FGF12: variants seen among roughly 807,000 people sequenced by gnomAD.
FGF12 encodes the protein fibroblast growth factor 12B.
FGF12 carries 14 observed loss-of-function variants against 23.6 expected under a neutral mutation model. The observed-to-expected ratio is 0.59, with a 90% CI of 0.39 to 0.93. The LOEUF is 0.93. FGF12 is among the 40% of genes least tolerant of loss of function. FGF12 has a pLI of 0.00. For missense variants in FGF12, 175 were observed against 217.8 expected, an observed-to-expected ratio of 0.80 and a Z score of 1.24; for synonymous variants, 62 against 77.3, an observed-to-expected ratio of 0.80 and a Z score of 1.04.
At chr3:192,608,896 T>C (rs937566759) in intron 2 of FGF12, among the ~76,000 whole-genome samples, 1 of 152,110 alleles carries the variant, frequency 6.6e-6, no homozygotes, top group Non-Finnish European at 1.5e-5. Flanking sequence ...AAGAAGTGCA[T>C]GGTCAGTTCC....
chr3:192,147,665 T>TA (rs1560166716), intron 5 of FGF12, among the ~76,000 whole-genome samples: 1 of 152,140 alleles, frequency 6.6e-6, no homozygotes, highest in African/African-American at 2.4e-5. Context: ...CCATTTTTTT[T>TA]AAATATAAAA....
chr3:192,454,931 T>A (rs1232931908), intron 2 of FGF12, among the ~76,000 whole-genome samples: 3 of 148,888 alleles, frequency 2.0e-5, no homozygotes, highest in Admixed American at 1.3e-4. Flanking sequence ...CTTGGACATC[T>A]CAGTTTTTAC....
At chr3:192,555,516 C>T (rs1162812246) in intron 2 of FGF12, among the ~76,000 whole-genome samples, 1 of 151,742 alleles carries the variant, frequency 6.6e-6, no homozygotes, top group Non-Finnish European at 1.5e-5. Flanking sequence ...GGCACAGTGG[C>T]TCACACCTGT....
chr3:192,651,421 A>G (rs944347933), intron 2 of FGF12, among the ~76,000 whole-genome samples: 2 of 152,176 alleles, frequency 1.3e-5, no homozygotes, highest in Non-Finnish European at 2.9e-5. Flanking sequence ...AATTATAATA[A>G]ATGACGAGGG....
At chr3:192,223,018 C>T (rs916752126) in intron 4 of FGF12, among the ~76,000 whole-genome samples, 1 of 152,094 alleles carries the variant, frequency 6.6e-6, no homozygotes, top group Non-Finnish European at 1.5e-5. Flanking sequence ...CCATACTTTA[C>T]CCAAGGTTAG....
intron 4 of FGF12, among the ~76,000 whole-genome samples, chr3:192,174,742 TAA>T (rs796236664): frequency 0.049 from 6,442 of 132,584 alleles, 183 homozygotes; most frequent in Admixed American, 0.066. Flanking sequence ...ACACGTGGAG[TAA>T]AAAAAAAAAA....
chr3:192,602,903 T>C (rs925880253), intron 2 of FGF12, among the ~76,000 whole-genome samples: 1 of 152,146 alleles, frequency 6.6e-6, no homozygotes, highest in Non-Finnish European at 1.5e-5. Flanking sequence ...TCAATAAATG[T>C]GATTCTCTCT....
chr3:192,464,328 A>T (rs1252137220), intron 2 of FGF12, among the ~76,000 whole-genome samples: 1 of 147,810 alleles, frequency 6.8e-6, no homozygotes, highest in Non-Finnish European at 1.5e-5. Flanking sequence ...CCGCTGTCTC[A>T]TTCTTATGCC....
intron 2 of FGF12, among the ~76,000 whole-genome samples, chr3:192,613,358 G>C (rs962383231): frequency 1.3e-5 from 2 of 151,740 alleles, no homozygotes; most frequent in Non-Finnish European, 2.9e-5. Flanking sequence ...CCCCTCACAG[G>C]TATACCACAG....
intron 4 of FGF12, among the ~76,000 whole-genome samples, chr3:192,256,551 T>C (rs1301601020): frequency 6.6e-6 from 1 of 152,056 alleles, no homozygotes; most frequent in Non-Finnish European, 1.5e-5. Flanking sequence ...AATTTGCATG[T>C]TATTTGGTAT....
At chr3:192,179,756 G>A (rs1366596540) in intron 4 of FGF12, among the ~76,000 whole-genome samples, 1 of 151,966 alleles carries the variant, frequency 6.6e-6, no homozygotes, top group East Asian at 1.9e-4. Flanking sequence ...ATATTGTCCA[G>A]GTTGGTCTCG....
intron 2 of FGF12, among the ~76,000 whole-genome samples, chr3:192,412,925 C>T (rs181459343): frequency 2.9e-4 from 44 of 152,234 alleles, no homozygotes; most frequent in South Asian, 4.1e-4. Flanking sequence ...GATTTTTATG[C>T]TTTCTTTGAA....
At chr3:192,195,298 C>T (rs541064768) in intron 4 of FGF12, among the ~76,000 whole-genome samples, 9 of 152,256 alleles carry the variant, frequency 5.9e-5, no homozygotes, top group South Asian at 4.1e-4. Flanking sequence ...TTTTGTTACA[C>T]GTTTATAATG....
At chr3:192,440,360 G>A (rs77021981) in intron 2 of FGF12, among the ~76,000 whole-genome samples, 3 of 152,072 alleles carry the variant, frequency 2.0e-5, no homozygotes, top group Non-Finnish European at 4.4e-5. Flanking sequence ...AAGGGTGGAC[G>A]GGAGTATTTT....
intron 4 of FGF12, among the ~76,000 whole-genome samples, chr3:192,259,740 T>C (rs750021508): frequency 6.6e-6 from 1 of 152,060 alleles, no homozygotes; most frequent in Non-Finnish European, 1.5e-5. Context: ...AAAAAGACAA[T>C]AAATATGTTC....
At chr3:192,330,877 A>G (rs1577359613) in intron 4 of FGF12, among the ~76,000 whole-genome samples, 1 of 152,164 alleles carries the variant, frequency 6.6e-6, no homozygotes, top group African/African-American at 2.4e-5. Context: ...AACTTTAAAA[A>G]TTCTATGTAT....
chr3:192,251,844 T>C (rs1420657359), intron 4 of FGF12, among the ~76,000 whole-genome samples: 1 of 152,084 alleles, frequency 6.6e-6, no homozygotes, highest in East Asian at 1.9e-4. Context: ...GAGAGCTTTG[T>C]CTGTGAAGGG....
chr3:192,191,357 C>G (rs1716780406), intron 4 of FGF12, among the ~76,000 whole-genome samples: 2 of 152,114 alleles, frequency 1.3e-5, no homozygotes, highest in Non-Finnish European at 1.5e-5. Context: ...AGAGTGAACC[C>G]TATTGTAAAC....
At chr3:192,358,267 T>A (rs1420625566) in intron 3 of FGF12, among the ~76,000 whole-genome samples, 2 of 152,018 alleles carry the variant, frequency 1.3e-5, no homozygotes, top group Non-Finnish European at 2.9e-5. Flanking sequence ...ATATTGATAT[T>A]TTTAATTAAT....
Sources: gnomAD v4.1 joint callset for allele counts (sites outside exome capture counted in the v4.1 genomes callset) on GRCh38, gnomAD v4.1.1 for gene constraint, MANE v1.5 for transcripts, NCBI Gene and HGNC (gene_info 2026-07-23, HGNC 2026-07-21) for gene names.